SNX16: variants seen among roughly 807,000 people sequenced by gnomAD.
SNX16 encodes sorting nexin 16, also known as sorting nexin-16.
A neutral mutation model predicts 36.7 loss-of-function variants in SNX16; 35 were observed. The ratio of observed to expected loss-of-function variants is 0.95; its 90% CI spans 0.73 to 1.27. The LOEUF is 1.27. SNX16 is among the 50% of genes most tolerant of loss of function. The pLI, the probability that SNX16 is intolerant of heterozygous loss-of-function variation, is 0.00. For missense variants in SNX16, 367 were observed against 393.6 expected (o/e 0.93, Z 0.57); for synonymous variants, 134 against 132.0 (o/e 1.02, Z -0.10).
chr8:81,815,988 A>G (rs1226234139), intron 4 of SNX16, among the ~76,000 whole-genome samples: 1 of 152,164 alleles, frequency 6.6e-6, no homozygotes, highest in Non-Finnish European at 1.5e-5. Context: ...CTTTGCTATT[A>G]TCAGAGAAAC....
At chr8:81,825,941 G>A (rs1460998583) in intron 3 of SNX16, among the ~76,000 whole-genome samples, 1 of 151,874 alleles carries the variant, frequency 6.6e-6, no homozygotes, top group East Asian at 1.9e-4. Context: ...AAAGACATGA[G>A]GGAAATGAAA....
intron 2 of SNX16, among the ~76,000 whole-genome samples, chr8:81,835,576 G>A (rs555023364): frequency 1.3e-5 from 2 of 152,204 alleles, no homozygotes; most frequent in South Asian, 2.1e-4. Flanking sequence ...AATTTCTTCC[G>A]CCAGATACCC....
chr8:81,810,415 T>G (rs1409451675), intron 5 of SNX16, among the ~76,000 whole-genome samples: 1 of 152,182 alleles, frequency 6.6e-6, no homozygotes, highest in African/African-American at 2.4e-5. Context: ...TAAGTCATTT[T>G]GGGATTTTTC....
At chr8:81,807,269 A>G (rs191203084) in intron 5 of SNX16, among the ~76,000 whole-genome samples, 1 of 152,218 alleles carries the variant, frequency 6.6e-6, no homozygotes, top group Admixed American at 6.5e-5. Flanking sequence ...CTGTAATCCC[A>G]GCACTTTGGG....
In SNX16 at chr8:81,823,798, G is replaced by C. The variant is rs150864137; in HGVS notation, c.605C>G (p.Ala202Gly). 6.6e-5 allele frequency: 106 copies of C among 1,602,390 alleles called. No individual in the cohort carries two copies. The highest frequency in any genetic ancestry group is 3.1e-5 in the Non-Finnish European group (37 of 1,175,776). Residue 202 changes from alanine (A) to glycine (G), a missense_variant, in exon 4 of 8, where the codon GCT becomes GGT. Transcript: ENST00000345957. Reference sequence around the variant, plus strand: ...ATTTCAATTCGTTACATACCAGTTAGCAATGTCCTTGTGAGCTACTAAATT... The same window carrying C: ...ATTTCAATTCGTTACATACCAGTTACCAATGTCCTTGTGAGCTACTAAATT... ...LQNLVAHKDI[A>G]NCLAVREFLC...
At position 81,801,519 on chromosome 8, in the gene SNX16, G is replaced by A. The variant is rs1335607723; in HGVS notation, c.1013C>T (p.Ala338Val). ...ACATTAGTCTTCTTCAGCATCATAT[G>A]CCACTTCTGCTACTTCTATCTCTGA... ...AVSEIEVAEV[A>V]YDAEED is the part of the protein sequence containing the mutation. Residue 338 changes from alanine to valine, a missense_variant, in exon 8 of 8, where the codon GCA (alanine) becomes GTA (valine). Ala to Val is a moderately conservative substitution (Grantham distance 64). Coordinates refer to ENST00000345957, the MANE Select transcript of SNX16 (RefSeq NM_152836.3). 4.4e-6 allele frequency: 7 copies of A among 1,594,286 alleles called. No individual in the cohort carries two copies. Among genetic ancestry groups the A allele is most frequent in the South Asian group, 2.2e-5 (2 of 90,046 alleles).
At chr8:81,817,815 T>G (rs1392781195) in intron 4 of SNX16, among the ~76,000 whole-genome samples, 2 of 152,142 alleles carry the variant, frequency 1.3e-5, no homozygotes, top group Non-Finnish European at 2.9e-5. Context: ...CCCTCACCCT[T>G]GCTTGAGAAT....
chr8:81,799,954 A>AT lies in SNX16; in HGVS notation c.*1542dup, dbSNP rs1563424678. On this transcript the variant is annotated 3_prime_UTR_variant, in exon 8 of 8. Transcript: ENST00000345957. Reference sequence around the variant, plus strand: ...TTCTGTCTCTAAGGATAGCAAACATATTTCTGATACACATTGTGAAAAATG... The same window carrying AT: ...TTCTGTCTCTAAGGATAGCAAACATATTTTCTGATACACATTGTGAAAAATG... The AT allele has an allele frequency of 6.6e-6, 1 of 151,872 alleles. No individual in the cohort carries two copies. The highest frequency in any genetic ancestry group is 1.5e-5 in the Non-Finnish European group (1 of 67,786). 9.4% of individuals were successfully genotyped at this position (151,872 alleles called of 1,614,324 possible).
intron 2 of SNX16, among the ~76,000 whole-genome samples, chr8:81,838,036 G>A (rs1586025762): frequency 6.6e-6 from 1 of 152,284 alleles, no homozygotes; most frequent in East Asian, 1.9e-4. Flanking sequence ...AACCTTTTGA[G>A]TTAATAAGAG....
chr8:81,841,869 C>T (rs1811801544), intron 1 of SNX16: 3 of 152,174 alleles, frequency 2.0e-5, no homozygotes, highest in Admixed American at 1.3e-4. Context: ...GGGTCTTCCG[C>T]ACTGCAGGCG....
chr8:81,805,814 G>A (rs561594974), intron 5 of SNX16, among the ~76,000 whole-genome samples: 31 of 152,188 alleles, frequency 2.0e-4, no homozygotes, highest in African/African-American at 6.0e-4. Context: ...CCAGATACTC[G>A]GGAGGCTGAG....
intron 5 of SNX16, among the ~76,000 whole-genome samples, chr8:81,809,955 A>AGAAGGC (rs1810157746): frequency 6.6e-6 from 1 of 152,192 alleles, no homozygotes; most frequent in Admixed American, 6.5e-5. Flanking sequence ...CTATATTGAT[A>AGAAGGC]TAAATTTCCT....
In SNX16 at chr8:81,829,535, A is replaced by G. The variant is rs760309286; in HGVS notation, c.376-19T>C. 44 of 1,083,676 alleles carry G rather than the reference A, an allele frequency of 4.1e-5. No individual in the cohort carries two copies. The highest frequency in any genetic ancestry group is 1.3e-4 in the Admixed American group (4 of 31,274). 67.1% of individuals were successfully genotyped at this position (1,083,676 alleles called of 1,614,324 possible). A position where few individuals can be genotyped will look rare whatever the true frequency, so the allele number is the denominator to read the frequency against. The stretch of plus-strand genomic sequence containing the variant: ...TATATACCTATGCACAGGAAGAAAA[A>G]CAGACGGAGAGAAAAATATAAAAGT... On this transcript the variant is annotated intron_variant, in intron 2 of 7. Transcript: ENST00000345957.
At chr8:81,832,832 T>C (rs1031778665) in intron 2 of SNX16, among the ~76,000 whole-genome samples, 1 of 148,472 alleles carries the variant, frequency 6.7e-6, no homozygotes, top group Non-Finnish European at 1.5e-5. Context: ...CTAAGCTACA[T>C]ATAGGCACAT....
intron 2 of SNX16, among the ~76,000 whole-genome samples, chr8:81,838,675 T>C (rs545533572): frequency 1.3e-5 from 2 of 151,502 alleles, no homozygotes; most frequent in South Asian, 4.2e-4. Flanking sequence ...ACAATAAAGA[T>C]TTTAGAAGAA....
At chr8:81,810,399 G>A (rs1810182579) in intron 5 of SNX16, among the ~76,000 whole-genome samples, 1 of 152,074 alleles carries the variant, frequency 6.6e-6, no homozygotes. Flanking sequence ...AAGAAATGTG[G>A]GTTAATAAGT....
intron 2 of SNX16, among the ~76,000 whole-genome samples, chr8:81,836,019 T>G (rs1318867000): frequency 6.6e-6 from 1 of 152,144 alleles, no homozygotes; most frequent in Admixed American, 6.5e-5. Context: ...TAGCTATACT[T>G]CCTAATTACC....
chr8:81,838,015 C>T (rs1039529334), intron 2 of SNX16, among the ~76,000 whole-genome samples: 3 of 151,948 alleles, frequency 2.0e-5, no homozygotes, highest in South Asian at 2.1e-4. Context: ...CAAAGTCTTA[C>T]CAAAAAAGTA....
Position 81,810,727 on chromosome 8 carries a change from C to T in SNX16, c.681+4598G>A, listed in dbSNP as rs150653163. ...AAACTCAGAAGACACTTGGTAATGT[C>T]TGGAGACATTTTTACTTGTCATGAG... On this transcript the variant is annotated intron_variant, in intron 5 of 7. Coordinates refer to ENST00000345957, the MANE Select transcript of SNX16 (RefSeq NM_152836.3). Among the ~76,000 whole-genome samples, 449 of 152,234 alleles carry T rather than the reference C, an allele frequency of 2.9e-3. 2 individuals are homozygous for T. The highest frequency in any genetic ancestry group is 0.01 in the African/African-American group (434 of 41,546).
Sources: allele counts gnomAD v4.1 joint callset (sites outside exome capture counted in the v4.1 genomes callset), GRCh38; gene constraint gnomAD v4.1.1; transcripts MANE v1.5; gene names NCBI Gene and HGNC (gene_info 2026-07-23, HGNC 2026-07-21).